The following ICE1 variants were observed in gnomAD, a reference collection of about 807,000 sequenced individuals.
ICE1 encodes little elongation complex subunit 1.
ICE1 carries 64 observed loss-of-function variants against 192.7 expected under a neutral mutation model. The ratio of observed to expected loss-of-function variants is 0.33; its 90% CI spans 0.27 to 0.41. The LOEUF is 0.41. Among genes scored for constraint, ICE1 ranks in the 10% least tolerant of loss-of-function variants. The probability of loss-of-function intolerance (pLI) is 1.00; values close to 1 mark genes in which losing one functional copy is unlikely to be tolerated. For missense variants in ICE1, 2,708 were observed against 2,696.0 expected (o/e 1.00, Z -0.10); for synonymous variants, 1,010 against 984.5 (o/e 1.03, Z -0.49).
At chr5:5,473,312 G>A (rs896383373) in intron 15 of ICE1, among the ~76,000 whole-genome samples, 3 of 152,140 alleles carry the variant, frequency 2.0e-5, no homozygotes, top group Admixed American at 1.3e-4. Flanking sequence ...TTACAGGTAA[G>A]CTCTTTTCTA....
At chr5:5,427,632 G>A (rs904642150) in intron 1 of ICE1, among the ~76,000 whole-genome samples, 12 of 152,206 alleles carry the variant, frequency 7.9e-5, no homozygotes, top group African/African-American at 2.9e-4. Flanking sequence ...AATCGCTAGT[G>A]ATTTAAGTGT....
chr5:5,466,111 A>G (rs1331678298), intron 13 of ICE1, among the ~76,000 whole-genome samples: 1 of 152,210 alleles, frequency 6.6e-6, no homozygotes, highest in Non-Finnish European at 1.5e-5. Flanking sequence ...TACCAGCCAT[A>G]GGAAACAGAC....
intron 6 of ICE1, among the ~76,000 whole-genome samples, chr5:5,443,456 AAAT>A (rs1394449227): frequency 2.0e-5 from 3 of 152,188 alleles, no homozygotes; most frequent in Non-Finnish European, 4.4e-5. Context: ...AACATTAAAT[AAAT>A]TGTCATATGT....
chr5:5,433,311 T>A (rs1737778262), intron 1 of ICE1, among the ~76,000 whole-genome samples: 2 of 152,174 alleles, frequency 1.3e-5, no homozygotes, highest in Admixed American at 6.5e-5. Flanking sequence ...GATTAAATGC[T>A]TATGAGAAAG....
chr5:5,423,083 C>A (rs1358504708), intron 1 of ICE1, 84 bp downstream of exon 1: 1 of 849,890 alleles, frequency 1.2e-6, no homozygotes, highest in Non-Finnish European at 1.6e-6. Flanking sequence ...TCCGGCCGCG[C>A]GGGCTGTGCC....
At chr5:5,487,454 G>GTTAC (rs1739665662) in intron 18 of ICE1, among the ~76,000 whole-genome samples, 1 of 152,174 alleles carries the variant, frequency 6.6e-6, no homozygotes, top group African/African-American at 2.4e-5. Context: ...AATGCACAGA[G>GTTAC]TTACATTTTA....
chr5:5,480,814 T>G (rs907719739), intron 17 of ICE1, among the ~76,000 whole-genome samples: 1 of 152,254 alleles, frequency 6.6e-6, no homozygotes, highest in Non-Finnish European at 1.5e-5. Flanking sequence ...AATAATACAC[T>G]TGGAGATAAG....
At position 5,468,911 on chromosome 5, in the gene ICE1, G is replaced by A; in HGVS notation, c.6145G>A (p.Ala2049Thr). Reference sequence around the variant, plus strand: ...TCTCTCTCAATCGGTGATTAATAAAGCAATGCAGTTAGTTGCCAGGCAACG... The same window carrying A: ...TCTCTCTCAATCGGTGATTAATAAAACAATGCAGTTAGTTGCCAGGCAACG... ...IFLSQSVINK[A>T]MQLVARQRAK... Residue 2049 changes from alanine to threonine, a missense_variant, in exon 15 of 19, where the codon GCA becomes ACA. By Grantham distance (58) the Ala-to-Thr change is moderately conservative. Coordinates refer to ENST00000296564, the MANE Select transcript of ICE1 (RefSeq NM_015325.3). 2 of 1,607,176 alleles carry A rather than the reference G, an allele frequency of 1.2e-6. No individual in the cohort carries two copies. The highest frequency in any genetic ancestry group is 2.2e-5 in the South Asian group (2 of 89,482).
intron 3 of ICE1, among the ~76,000 whole-genome samples, chr5:5,438,904 C>T (rs1243906273): frequency 6.6e-6 from 1 of 152,182 alleles, no homozygotes; most frequent in Non-Finnish European, 1.5e-5. Context: ...TCCAAGTATG[C>T]ATTTGTTGTA....
chr5:5,470,032 T>G (rs1034111351), intron 15 of ICE1, among the ~76,000 whole-genome samples: 1 of 152,104 alleles, frequency 6.6e-6, no homozygotes, highest in Non-Finnish European at 1.5e-5. Context: ...GGTTACTGCC[T>G]TCCGAGGGTT....
At chr5:5,480,176 A>G (rs1739456727) in intron 17 of ICE1, among the ~76,000 whole-genome samples, 1 of 151,970 alleles carries the variant, frequency 6.6e-6, no homozygotes, top group South Asian at 2.1e-4. Flanking sequence ...AGCTTCATCC[A>G]ATTTCTGCAT....
chr5:5,489,105 CAG>C, intron 18 of ICE1, 42 bp from the exon 19 acceptor site: 2 of 1,557,216 alleles, frequency 1.3e-6, no homozygotes, highest in South Asian at 1.2e-5. Flanking sequence ...TTTTGAATAA[CAG>C]ATATTTTCTT....
rs1738949695 is a variant in ICE1 at position 5,465,233 on chromosome 5, G to C, written c.5892+7G>C. On this transcript the variant is annotated splice_region_variant and intron_variant, in intron 13 of 18. Transcript: ENST00000296564. ...ATTTAGCACAACAAAAAAGGTATGT[G>C]GCTGCTCTTTTCTAAGTGCATTAGG... The C allele has an allele frequency of 4.5e-6, 7 of 1,542,108 alleles. No homozygotes were observed. The South Asian group carries it at 8.5e-5, about 19-fold the overall frequency.
intron 12 of ICE1, 125 bp from the exon 13 acceptor site, chr5:5,460,311 C>T (rs1738729043): frequency 2.8e-6 from 2 of 707,172 alleles, no homozygotes; most frequent in African/African-American, 1.8e-5. Flanking sequence ...CTAGCCTGCC[C>T]CTGCTCAAAC....
intron 15 of ICE1, 41 bp from the exon 16 acceptor site, chr5:5,473,517 T>C: frequency 1.3e-6 from 2 of 1,551,576 alleles, no homozygotes; most frequent in South Asian, 1.2e-5. Context: ...TGCATTCTAT[T>C]TGAAACTCCA....
chr5:5,488,441 A>G (rs930432534), intron 18 of ICE1, among the ~76,000 whole-genome samples: 2 of 152,208 alleles, frequency 1.3e-5, no homozygotes, highest in South Asian at 2.1e-4. Flanking sequence ...GGTCATGTTG[A>G]TGCTCCAGAA....
At chr5:5,454,322 T>G (rs1422408438) in intron 10 of ICE1, among the ~76,000 whole-genome samples, 2 of 151,864 alleles carry the variant, frequency 1.3e-5, no homozygotes, top group Admixed American at 1.3e-4. Flanking sequence ...TGCCACCAAT[T>G]TTTTTTTTAA....
intron 2 of ICE1, 60 bp downstream of exon 2, chr5:5,436,536 AG>A: frequency 9.5e-7 from 1 of 1,054,684 alleles, no homozygotes; most frequent in Non-Finnish European, 1.3e-6. Flanking sequence ...TGGCTGAAGC[AG>A]GCGGTGCTTT....
rs749200264 is a variant in ICE1, at chr5:5,462,284, C to G, written c.2950C>G (p.Gln984Glu). The G allele has an allele frequency of 2.5e-6, 4 of 1,613,600 alleles. No individual in the cohort carries two copies. In the East Asian group the frequency reaches 8.9e-5, roughly 36 times the overall value. ...TGCAGTGCAGGGAGATGGGCAGAAGCAAAGGCAGCCTCAGGCCACAGATCT... is the reference window on the plus strand; with the variant it reads ...TGCAGTGCAGGGAGATGGGCAGAAGGAAAGGCAGCCTCAGGCCACAGATCT... Reference protein sequence around the residue: ...EAAVQGDGQKQRQPQATDLDS... With the variant: ...EAAVQGDGQKERQPQATDLDS... The change falls in exon 13 of 19, where the codon CAA (glutamine) becomes GAA (glutamate). Residue 984 changes from glutamine (Q) to glutamate (E), a missense_variant. Transcript: ENST00000296564.
Sources: allele counts gnomAD v4.1 joint callset (sites outside exome capture counted in the v4.1 genomes callset), GRCh38; gene constraint gnomAD v4.1.1; transcripts MANE v1.5; gene names NCBI Gene and HGNC (gene_info 2026-07-23, HGNC 2026-07-21).